Variants in RSRC1 observed in about 807,000 individuals in gnomAD.
RSRC1 encodes arginine and serine rich coiled-coil 1, also known as serine/Arginine-related protein 53.
In RSRC1, 39 loss-of-function variants were observed where a neutral mutation model predicts 49.1. The observed-to-expected ratio is 0.79, with a 90% CI of 0.61 to 1.04. RSRC1 has a LOEUF of 1.04. RSRC1 is among the 50% of genes least tolerant of loss of function. RSRC1 has a pLI of 0.00. For missense variants in RSRC1, 388 were observed against 402.4 expected (o/e 0.96, Z 0.31); for synonymous variants, 143 against 130.8 (o/e 1.09, Z -0.63).
intron 7 of RSRC1, among the ~76,000 whole-genome samples, chr3:158,486,502 G>A (rs1386651686): frequency 6.6e-6 from 1 of 152,140 alleles, no homozygotes; most frequent in East Asian, 1.9e-4. Flanking sequence ...ATAAAACAAA[G>A]TAGAAATAAG....
chr3:158,501,794 T>A (rs532898980), intron 7 of RSRC1, among the ~76,000 whole-genome samples: 1 of 152,356 alleles, frequency 6.6e-6, no homozygotes, highest in African/African-American at 2.4e-5. Context: ...TGGTAAGTTC[T>A]TATCCATTCT....
At chr3:158,450,318 G>A (rs546621787) in intron 6 of RSRC1, among the ~76,000 whole-genome samples, 5 of 146,390 alleles carry the variant, frequency 3.4e-5, no homozygotes, top group African/African-American at 1.3e-4. Context: ...ATAAACCATG[G>A]CTTTCTTTTT....
Position 158,357,243 on chromosome 3 carries a change from T to C in RSRC1, c.583+2335T>C, listed in dbSNP as rs148748490. Among the ~76,000 whole-genome samples the C allele has an allele frequency of 5.3e-3, 808 of 152,248 alleles. 8 individuals are homozygous for C. The highest frequency in any genetic ancestry group is 0.019 in the African/African-American group (772 of 41,560). ...TTGGGGGGATTTGTTACTATAGAAA[T>C]GAGTTTATGAGGTCAGAGGGTATTA... On this transcript the variant is annotated intron_variant, in intron 6 of 9. Transcript: ENST00000611884.
At chr3:158,326,658 C>A (rs1210710550) in intron 5 of RSRC1, among the ~76,000 whole-genome samples, 1 of 151,932 alleles carries the variant, frequency 6.6e-6, no homozygotes, top group Non-Finnish European at 1.5e-5. Context: ...ATTGTTGCAT[C>A]AGTGTTCATC....
intron 3 of RSRC1, among the ~76,000 whole-genome samples, chr3:158,159,983 A>C (rs962998154): frequency 6.6e-6 from 1 of 152,124 alleles, no homozygotes; most frequent in African/African-American, 2.4e-5. Context: ...TTATCTCTCT[A>C]TTGCAAACTG....
At chr3:158,312,508 C>T (rs1215547887) in intron 5 of RSRC1, among the ~76,000 whole-genome samples, 1 of 152,040 alleles carries the variant, frequency 6.6e-6, no homozygotes, top group African/African-American at 2.4e-5. Context: ...ATATAACAAG[C>T]ATATTGTGCT....
In RSRC1 at chr3:158,473,527, G is replaced by A. The variant is rs12490052; in HGVS notation, c.652+12524G>A. Among the ~76,000 whole-genome samples the A allele has an allele frequency of 2.0e-5, 3 of 151,804 alleles. No individual in the cohort carries two copies. The East Asian group carries it at 5.8e-4, about 30-fold the overall frequency. ...GGGGCCTGTTGTGGGGTGAGGGCAG[G>A]GGGGAGGGATAGCATTAGGAGATAT... On this transcript the variant is annotated intron_variant, in intron 7 of 9. Transcript: ENST00000611884.
At chr3:158,252,026 G>T (rs1376161969) in intron 4 of RSRC1, among the ~76,000 whole-genome samples, 1 of 152,050 alleles carries the variant, frequency 6.6e-6, no homozygotes, top group African/African-American at 2.4e-5. Flanking sequence ...TTGTTATGAA[G>T]GGATGTTAAA....
chr3:158,482,357 G>T (rs1296758496), intron 7 of RSRC1, among the ~76,000 whole-genome samples: 1 of 151,868 alleles, frequency 6.6e-6, no homozygotes, highest in Non-Finnish European at 1.5e-5. Context: ...AATCTCTTTT[G>T]CCTGCGTAAC....
chr3:158,353,556 T>C (rs1041066095), intron 5 of RSRC1, among the ~76,000 whole-genome samples: 5 of 152,214 alleles, frequency 3.3e-5, no homozygotes, highest in African/African-American at 7.2e-5. Context: ...TTCTGTGATA[T>C]AATACGTTCT....
chr3:158,182,837 C>T (rs893707196), intron 3 of RSRC1, among the ~76,000 whole-genome samples: 2 of 151,902 alleles, frequency 1.3e-5, no homozygotes, highest in Non-Finnish European at 2.9e-5. Context: ...AAGTTTAATT[C>T]CAGTTGTATT....
intron 1 of RSRC1, among the ~76,000 whole-genome samples, chr3:158,113,431 C>T (rs572842913): frequency 4.7e-5 from 7 of 149,832 alleles, no homozygotes; most frequent in Admixed American, 6.6e-5. Context: ...TGCAGTGGTG[C>T]GATCTCGGCT....
chr3:158,234,515 TATC>T (rs1323124679), intron 4 of RSRC1, among the ~76,000 whole-genome samples: 1 of 152,320 alleles, frequency 6.6e-6, no homozygotes, highest in Non-Finnish European at 1.5e-5. Context: ...GGTTTAATGA[TATC>T]ATTGAAATGA....
intron 5 of RSRC1, among the ~76,000 whole-genome samples, chr3:158,313,467 A>G (rs1363165753): frequency 6.6e-6 from 1 of 152,166 alleles, no homozygotes; most frequent in Non-Finnish European, 1.5e-5. Flanking sequence ...TTTAGTCTTA[A>G]TAATTTGTGC....
intron 6 of RSRC1, among the ~76,000 whole-genome samples, chr3:158,418,114 T>G (rs922631438): frequency 6.6e-6 from 1 of 152,064 alleles, no homozygotes; most frequent in African/African-American, 2.4e-5. Context: ...TGGTTATTAC[T>G]ATCTTTTTAT....
chr3:158,473,076 C>G (rs1578521278), intron 7 of RSRC1, among the ~76,000 whole-genome samples: 1 of 152,164 alleles, frequency 6.6e-6, no homozygotes, highest in Admixed American at 6.5e-5. Flanking sequence ...GGACTGTAAA[C>G]TAGTTCAACC....
chr3:158,132,096 A>G (rs1346030256), intron 3 of RSRC1: 2 of 441,120 alleles, frequency 4.5e-6, no homozygotes, highest in Admixed American at 2.4e-5. Flanking sequence ...GTATCCTCCT[A>G]CCTCAACCTC....
intron 3 of RSRC1, among the ~76,000 whole-genome samples, chr3:158,202,672 T>C (rs967361037): frequency 4.0e-5 from 6 of 149,848 alleles, no homozygotes; most frequent in African/African-American, 1.2e-4. Flanking sequence ...TGGATTGGAG[T>C]GGATCAGTAT....
chr3:158,461,486 G>A (rs1737609099), intron 7 of RSRC1, among the ~76,000 whole-genome samples: 2 of 151,604 alleles, frequency 1.3e-5, no homozygotes. Flanking sequence ...CAACATTTAG[G>A]CCATTCCCCC....
Sources: allele counts gnomAD v4.1 joint callset (sites outside exome capture counted in the v4.1 genomes callset), GRCh38; gene constraint gnomAD v4.1.1; transcripts MANE v1.5; gene names NCBI Gene and HGNC (gene_info 2026-07-23, HGNC 2026-07-21).